The following MGAT4C variants were observed in gnomAD, a reference collection of about 807,000 sequenced individuals.
The protein encoded by MGAT4C is MGAT4 family member C.
Under a neutral mutation model 40.1 loss-of-function variants are expected in MGAT4C, and 19 were observed. The ratio of observed to expected loss-of-function variants is 0.47; its 90% CI spans 0.33 to 0.70. The LOEUF (loss-of-function observed/expected upper bound fraction) is 0.70. Among genes scored for constraint, MGAT4C ranks in the 30% least tolerant of loss-of-function variants. The pLI is 0.02. For synonymous variants in MGAT4C, 181 were observed against 187.1 expected, an observed-to-expected ratio of 0.97 and a Z score of 0.27; for missense variants, 491 against 563.2, an observed-to-expected ratio of 0.87 and a Z score of 1.30.
rs956350178 is a variant in MGAT4C at position 85,979,617 on chromosome 12, C to T, written c.1109G>A (p.Gly370Glu). 6.8e-6 allele frequency: 11 copies of T among 1,611,134 alleles called. No individual in the cohort carries two copies. Among genetic ancestry groups the T allele is most frequent in the Non-Finnish European group, 9.3e-6 (11 of 1,179,368 alleles). ...AYSSVDEYFW[G>E]KPPSTGDVFV... ...AACATCTCCTGTTGAAGGTGGTTTCCCCCAAAAGTACTCATCAACACTACT... is the reference window on the plus strand; with the variant it reads ...AACATCTCCTGTTGAAGGTGGTTTCTCCCAAAAGTACTCATCAACACTACT... The change falls in exon 5 of 5, where the codon GGG becomes GAG. Residue 370 changes from glycine (G) to glutamate (E), a missense_variant. Gly to Glu is a moderately conservative substitution (Grantham distance 98). Coordinates refer to ENST00000611864, the MANE Select transcript of MGAT4C (RefSeq NM_001351288.2).
chr12:86,476,472 G>A (rs1179522523), intron 2 of MGAT4C, among the ~76,000 whole-genome samples: 1 of 152,038 alleles, frequency 6.6e-6, no homozygotes, highest in African/African-American at 2.4e-5. Flanking sequence ...CTTATATACT[G>A]TTGTTGGGAA....
At chr12:86,039,808 G>A (rs774727541) in intron 2 of MGAT4C, among the ~76,000 whole-genome samples, 2 of 152,108 alleles carry the variant, frequency 1.3e-5, no homozygotes, top group Non-Finnish European at 2.9e-5. Flanking sequence ...AGGGGTTCTG[G>A]TTTTTGTAAT....
intron 2 of MGAT4C, among the ~76,000 whole-genome samples, chr12:86,631,976 G>A (rs572690724): frequency 6.6e-6 from 1 of 152,170 alleles, no homozygotes; most frequent in Admixed American, 6.5e-5. Context: ...GCAACCTACA[G>A]AATGGGAGAA....
chr12:86,466,870 C>T (rs184890976), intron 2 of MGAT4C, among the ~76,000 whole-genome samples: 26 of 152,218 alleles, frequency 1.7e-4, no homozygotes, highest in South Asian at 4.1e-4. Context: ...TTTATTTCTA[C>T]ATGATGCTTA....
intron 1 of MGAT4C, among the ~76,000 whole-genome samples, chr12:86,070,646 C>T (rs1404682665): frequency 1.3e-5 from 2 of 151,830 alleles, no homozygotes; most frequent in African/African-American, 4.8e-5. Context: ...GCTGGGATTT[C>T]AAAGTTCTAT....
intron 3 of MGAT4C, among the ~76,000 whole-genome samples, chr12:86,371,867 T>C (rs1565712714): frequency 6.6e-6 from 1 of 151,944 alleles, no homozygotes; most frequent in Non-Finnish European, 1.5e-5. Flanking sequence ...GAAAAAGACC[T>C]GGAAGTTAGG....
intron 4 of MGAT4C, among the ~76,000 whole-genome samples, chr12:86,290,330 C>T (rs1953476130): frequency 6.6e-6 from 1 of 152,162 alleles, no homozygotes; most frequent in Non-Finnish European, 1.5e-5. Flanking sequence ...AGCCACCGCA[C>T]CCGGCCTCTA....
intron 2 of MGAT4C, among the ~76,000 whole-genome samples, chr12:86,523,217 G>A (rs910472676): frequency 1.3e-5 from 2 of 152,016 alleles, no homozygotes; most frequent in Non-Finnish European, 2.9e-5. Context: ...ACTTTTTGAT[G>A]TTGGCATTCG....
chr12:86,814,311 T>TAC, intron 1 of MGAT4C, among the ~76,000 whole-genome samples: 1 of 4,948 alleles, frequency 2.0e-4, no homozygotes, highest in East Asian at 0.028. Flanking sequence ...CGTATATATA[T>TAC]ACGTATATAT....
chr12:86,600,077 G>A (rs1040831735), intron 2 of MGAT4C, among the ~76,000 whole-genome samples: 1 of 152,154 alleles, frequency 6.6e-6, no homozygotes, highest in Non-Finnish European at 1.5e-5. Context: ...CACTTTTGGG[G>A]TACTTTCTCT....
intron 1 of MGAT4C, among the ~76,000 whole-genome samples, chr12:86,757,554 G>C (rs1951326772): frequency 6.6e-6 from 1 of 152,068 alleles, no homozygotes. Flanking sequence ...TATCCCCATG[G>C]AAAGCTTAGT....
chr12:86,100,408 A>G lies in MGAT4C; in HGVS notation c.-56-50685T>C, dbSNP rs114014743. Among the ~76,000 whole-genome samples the G allele has an allele frequency of 3.2e-3, 480 of 151,610 alleles. 2 individuals are homozygous for G. Among genetic ancestry groups the G allele is most frequent in the African/African-American group, 0.011 (445 of 41,516 alleles). ...GTTACCATTAAATTATTAAACATAAAATTTTAAAATAGATTTTACATCAAC... is the reference window on the plus strand; with the variant it reads ...GTTACCATTAAATTATTAAACATAAGATTTTAAAATAGATTTTACATCAAC... On this transcript the variant is annotated intron_variant, in intron 1 of 4. Coordinates refer to ENST00000611864, the MANE Select transcript of MGAT4C (RefSeq NM_001351288.2).
chr12:85,997,042 C>T (rs754080561), intron 2 of MGAT4C, among the ~76,000 whole-genome samples: 5 of 152,160 alleles, frequency 3.3e-5, no homozygotes, highest in Non-Finnish European at 5.9e-5. Flanking sequence ...CAAGACAGGG[C>T]AATTTACAAC....
At chr12:86,523,064 C>T (rs150079629) in intron 2 of MGAT4C, among the ~76,000 whole-genome samples, 9 of 151,706 alleles carry the variant, frequency 5.9e-5, no homozygotes, top group Non-Finnish European at 1.3e-4. Flanking sequence ...ATTAGTTGAT[C>T]TTTTGAATGG....
At chr12:86,590,977 T>G (rs973024894) in intron 2 of MGAT4C, among the ~76,000 whole-genome samples, 6 of 151,998 alleles carry the variant, frequency 3.9e-5, no homozygotes, top group Non-Finnish European at 7.4e-5. Context: ...TAAAATATGG[T>G]GCATATTTTA....
At position 85,980,363 on chromosome 12, in the gene MGAT4C, C is replaced by G. The variant is rs761892291; in HGVS notation, c.363G>C (p.Lys121Asn). The change falls in exon 5 of 5, where the codon AAG becomes AAC. Residue 121 changes from lysine (K) to asparagine (N), a missense_variant. Physicochemically the swap from Lys to Asn is moderately conservative, Grantham distance 94. Transcript: ENST00000611864. Reference sequence around the variant, plus strand: ...CATAGCTGGATTGCTCAAAAATTGACTTAATTGTCTCAAGTAAATAGTTTC... The same window carrying G: ...CATAGCTGGATTGCTCAAAAATTGAGTTAATTGTCTCAAGTAAATAGTTTC... ...KKGNYLLETIKSIFEQSSYEE... is the reference protein window; with the variant it reads ...KKGNYLLETINSIFEQSSYEE... 1 of 1,613,332 alleles carries G rather than the reference C, an allele frequency of 6.2e-7. No individual in the cohort carries two copies. Among genetic ancestry groups the G allele is most frequent in the Non-Finnish European group, 8.5e-7 (1 of 1,179,706 alleles).
intron 2 of MGAT4C, among the ~76,000 whole-genome samples, chr12:86,538,025 G>C (rs1959103894): frequency 6.6e-6 from 1 of 152,024 alleles, no homozygotes; most frequent in African/African-American, 2.4e-5. Context: ...AGGTGGAGGT[G>C]GCAGTGAGCC....
intron 1 of MGAT4C, among the ~76,000 whole-genome samples, chr12:86,200,346 C>G (rs74820622): frequency 6.6e-6 from 1 of 151,922 alleles, no homozygotes; most frequent in African/African-American, 2.4e-5. Context: ...TCTAAATATC[C>G]TTGTACAAGT....
intron 1 of MGAT4C, among the ~76,000 whole-genome samples, chr12:86,181,329 T>A (rs568846427): frequency 6.6e-6 from 1 of 152,262 alleles, no homozygotes; most frequent in Non-Finnish European, 1.5e-5. Flanking sequence ...TATATTTTGA[T>A]GGTAACTTAA....
Sources: allele counts gnomAD v4.1 joint callset (sites outside exome capture counted in the v4.1 genomes callset), GRCh38; gene constraint gnomAD v4.1.1; transcripts MANE v1.5; gene names NCBI Gene and HGNC (gene_info 2026-07-23, HGNC 2026-07-21).